ESCO1: variants seen among roughly 807,000 people sequenced by gnomAD.
ESCO1 encodes N-acetyltransferase ESCO1.
Under a neutral mutation model 83.5 loss-of-function variants are expected in ESCO1, and 33 were observed. The ratio of observed to expected loss-of-function variants is 0.40; its 90% CI spans 0.30 to 0.53. The LOEUF is 0.53. ESCO1 is among the 20% of genes least tolerant of loss of function. ESCO1 has a pLI of 0.63. For missense variants in ESCO1, 855 were observed against 968.0 expected (o/e 0.88, Z 1.55); for synonymous variants, 332 against 324.3 (o/e 1.02, Z -0.25).
chr18:21,546,182 G>A (rs903215017), intron 8 of ESCO1, among the ~76,000 whole-genome samples: 2 of 152,124 alleles, frequency 1.3e-5, no homozygotes, highest in African/African-American at 4.8e-5. Context: ...TGCAAACTCT[G>A]CTACTCACTA....
intron 5 of ESCO1, among the ~76,000 whole-genome samples, chr18:21,567,456 C>T (rs1022214310): frequency 1.3e-5 from 2 of 151,642 alleles, no homozygotes; most frequent in Non-Finnish European, 2.9e-5. Context: ...TGAGCCACCA[C>T]GACCGGCCCA....
intron 10 of ESCO1, among the ~76,000 whole-genome samples, chr18:21,534,414 G>GA (rs2037806020): frequency 6.6e-6 from 1 of 152,168 alleles, no homozygotes; most frequent in African/African-American, 2.4e-5. Context: ...CACTTAGCTG[G>GA]AAAAAGATAG....
intron 4 of ESCO1, among the ~76,000 whole-genome samples, chr18:21,572,754 C>T (rs530662635): frequency 1.6e-4 from 24 of 151,964 alleles, no homozygotes; most frequent in Non-Finnish European, 3.5e-4. Flanking sequence ...TACCTGAGGT[C>T]GGGAGTTCGA....
chr18:21,573,256 G>C, intron 4 of ESCO1, 58 bp downstream of exon 4: 1 of 1,421,202 alleles, frequency 7.0e-7, no homozygotes, highest in Non-Finnish European at 9.5e-7. Context: ...ATGTTATAAA[G>C]ACATTTCTTA....
intron 7 of ESCO1, among the ~76,000 whole-genome samples, chr18:21,562,023 C>A (rs1051228431): frequency 6.6e-6 from 1 of 151,974 alleles, no homozygotes; most frequent in Non-Finnish European, 1.5e-5. Context: ...GGATTACAGG[C>A]ACCCACCAAC....
At chr18:21,538,426 T>C (rs528295738) in intron 9 of ESCO1, among the ~76,000 whole-genome samples, 13 of 152,188 alleles carry the variant, frequency 8.5e-5, no homozygotes, top group Non-Finnish European at 1.6e-4. Flanking sequence ...TTTACTATTG[T>C]GCAAGAATCA....
chr18:21,599,090 C>T (rs1166535936), intron 1 of ESCO1, among the ~76,000 whole-genome samples: 1 of 152,054 alleles, frequency 6.6e-6, no homozygotes, highest in African/African-American at 2.4e-5. Context: ...GCCTGTAATC[C>T]CAGCACTTTT....
Position 21,600,676 on chromosome 18 carries a change from C to A in ESCO1, c.-878G>T, listed in dbSNP as rs1274136881. On this transcript the variant is annotated 5_prime_UTR_variant, in exon 1 of 12. Transcript: ENST00000269214. Reference sequence around the variant, plus strand: ...TAGCGCCAGCGGATCGCCTCACATCCGGGTATCAGGAGACACTCAGCTGCT... The same window carrying A: ...TAGCGCCAGCGGATCGCCTCACATCAGGGTATCAGGAGACACTCAGCTGCT... 1 of 152,244 alleles carries A rather than the reference C, an allele frequency of 6.6e-6. No homozygotes were observed. Among genetic ancestry groups the A allele is most frequent in the African/African-American group, 2.4e-5 (1 of 41,470 alleles). The allele number at this position is 152,244 out of a possible 1,614,324, so 9.4% of individuals were successfully genotyped here.
intron 10 of ESCO1, among the ~76,000 whole-genome samples, chr18:21,533,378 C>A (rs2037792324): frequency 6.6e-6 from 1 of 152,082 alleles, no homozygotes; most frequent in Non-Finnish European, 1.5e-5. Context: ...TCACTGCAAC[C>A]TCTGCCTCCT....
At chr18:21,600,496 G>A (rs544131758) in intron 1 of ESCO1, 127 bp downstream of exon 1, 2 of 152,640 alleles carry the variant, frequency 1.3e-5, no homozygotes, top group African/African-American at 2.4e-5. Flanking sequence ...GCAGTAGGAA[G>A]GGGCGTGCGA....
intron 2 of ESCO1, among the ~76,000 whole-genome samples, chr18:21,580,253 C>A (rs1286127745): frequency 6.6e-6 from 1 of 151,916 alleles, no homozygotes; most frequent in African/African-American, 2.4e-5. Flanking sequence ...AGGAAAAAAA[C>A]TTTTTAATTT....
intron 4 of ESCO1, among the ~76,000 whole-genome samples, chr18:21,570,206 T>C (rs970930367): frequency 3.3e-5 from 5 of 152,168 alleles, no homozygotes; most frequent in African/African-American, 9.7e-5. Flanking sequence ...CAAGAGGTCC[T>C]CCCGCCTCAG....
Position 21,575,259 on chromosome 18 carries a change from C to CT in ESCO1, c.-417dup. On this transcript the variant is annotated 5_prime_UTR_variant, in exon 4 of 12. It removes the in-frame stop codon of an upstream open reading frame in the 5' UTR. Coordinates refer to ENST00000269214, the MANE Select transcript of ESCO1 (RefSeq NM_052911.3). ...CCTGTTTTGATAAAATTTTTGAAAA[C>CT]TTTTTTCTTCTGAAGTCTACAGTTA... 1 of 388,752 alleles carries CT rather than the reference C, an allele frequency of 2.6e-6. No homozygotes were observed. The highest frequency in any genetic ancestry group is 4.5e-6 in the Non-Finnish European group (1 of 220,288). 24.1% of individuals were successfully genotyped at this position (388,752 alleles called of 1,614,324 possible).
chr18:21,540,713 AC>A (rs749035676), intron 8 of ESCO1: 3 of 1,262,240 alleles, frequency 2.4e-6, no homozygotes, highest in Admixed American at 2.9e-5. Flanking sequence ...GCATAAAAAA[AC>A]AAAACAAAAC....
At chr18:21,564,598 A>AT (rs1315251617) in intron 6 of ESCO1, among the ~76,000 whole-genome samples, 1 of 150,532 alleles carries the variant, frequency 6.6e-6, no homozygotes, top group African/African-American at 2.4e-5. Context: ...GGGTTTCACC[A>AT]TGTTAGCCAG....
chr18:21,599,709 C>T (rs779840366), intron 1 of ESCO1, among the ~76,000 whole-genome samples: 2 of 152,156 alleles, frequency 1.3e-5, no homozygotes, highest in Non-Finnish European at 2.9e-5. Context: ...CCTTCCTCCT[C>T]CTCTTCCTCC....
intron 6 of ESCO1, among the ~76,000 whole-genome samples, chr18:21,564,722 T>G (rs533542290): frequency 6.6e-6 from 1 of 151,958 alleles, no homozygotes; most frequent in African/African-American, 2.4e-5. Flanking sequence ...TACACAACGC[T>G]GATAAATTTC....
At chr18:21,562,313 TA>T in intron 7 of ESCO1, among the ~76,000 whole-genome samples, 1 of 151,902 alleles carries the variant, frequency 6.6e-6, no homozygotes. Flanking sequence ...CCATCTCTAC[TA>T]AAAATACAAC....
Position 21,574,034 on chromosome 18 carries a change from C to A in ESCO1, c.810G>T (p.Val270=). 2 of 1,613,042 alleles carry A rather than the reference C, an allele frequency of 1.2e-6. No homozygotes were observed. The highest frequency in any genetic ancestry group is 1.7e-6 in the Non-Finnish European group (2 of 1,179,986). ...TTTTTGGGAGTGTTGTGTTAGTATTCACTTGTGTATGAACCGACTTCTTCA... is the reference window on the plus strand; with the variant it reads ...TTTTTGGGAGTGTTGTGTTAGTATTAACTTGTGTATGAACCGACTTCTTCA... The part of the protein sequence containing the change: ...NEMKKSVHTQ[V]NTNTTLPKSP... The change falls in exon 4 of 12, where the codon GTG becomes GTT. Residue 270 remains valine, a synonymous_variant. Coordinates refer to ENST00000269214, the MANE Select transcript of ESCO1 (RefSeq NM_052911.3).
Sources: allele counts gnomAD v4.1 joint callset (sites outside exome capture counted in the v4.1 genomes callset), GRCh38; gene constraint gnomAD v4.1.1; transcripts MANE v1.5; gene names NCBI Gene and HGNC (gene_info 2026-07-23, HGNC 2026-07-21).